THSD7B: variants seen among roughly 807,000 people sequenced by gnomAD.
THSD7B encodes thrombospondin type 1 domain containing 7B, also known as thrombospondin type-1 domain-containing protein 7B.
Under a neutral mutation model 213.6 loss-of-function variants are expected in THSD7B, and 138 were observed. That is an observed-to-expected ratio of 0.65 (90% CI 0.56 to 0.74). THSD7B has a LOEUF of 0.74. Among genes scored for constraint, THSD7B ranks in the 30% least tolerant of loss-of-function variants. The pLI, the probability that THSD7B is intolerant of heterozygous loss-of-function variation, is 0.00. For synonymous variants in THSD7B, 742 were observed against 687.0 expected (o/e 1.08, Z -1.25); for missense variants, 1,931 against 1,991.5 (o/e 0.97, Z 0.58).
At chr2:137,473,205 A>G (rs936506987) in intron 15 of THSD7B, among the ~76,000 whole-genome samples, 1 of 150,784 alleles carries the variant, frequency 6.6e-6, no homozygotes, top group Non-Finnish European at 1.5e-5. Context: ...TATTAATATT[A>G]TTATTTGTTT....
intron 12 of THSD7B, among the ~76,000 whole-genome samples, chr2:137,302,039 A>C (rs1683617536): frequency 6.6e-6 from 1 of 152,140 alleles, no homozygotes; most frequent in East Asian, 1.9e-4. Context: ...CTTGGACCAG[A>C]GTGCTGTCAT....
intron 1 of THSD7B, among the ~76,000 whole-genome samples, chr2:136,879,620 A>G (rs536532526): frequency 3.3e-5 from 5 of 152,270 alleles, no homozygotes; most frequent in African/African-American, 1.2e-4. Flanking sequence ...TTCTCCTTGA[A>G]GAGGTCCTTC....
intron 3 of THSD7B, among the ~76,000 whole-genome samples, chr2:137,069,904 A>G (rs570728671): frequency 3.3e-4 from 50 of 150,954 alleles, no homozygotes; most frequent in African/African-American, 1.2e-3. Flanking sequence ...AACATATATA[A>G]CTATATATCT....
chr2:136,950,440 A>G (rs1489372240), intron 2 of THSD7B, among the ~76,000 whole-genome samples: 1 of 152,198 alleles, frequency 6.6e-6, no homozygotes, highest in East Asian at 1.9e-4. Flanking sequence ...AATAAAATTT[A>G]AAAAAAGATG....
intron 5 of THSD7B, among the ~76,000 whole-genome samples, chr2:137,136,397 C>T (rs1679462884): frequency 6.6e-6 from 1 of 152,114 alleles, no homozygotes; most frequent in Admixed American, 6.6e-5. Flanking sequence ...TGAAGGTGTT[C>T]CAGAGAACAA....
intron 14 of THSD7B, among the ~76,000 whole-genome samples, chr2:137,414,375 A>G (rs1030681614): frequency 6.6e-6 from 1 of 152,142 alleles, no homozygotes; most frequent in African/African-American, 2.4e-5. Flanking sequence ...AAATCTTTTA[A>G]TGGTTACTAA....
intron 1 of THSD7B, among the ~76,000 whole-genome samples, chr2:136,867,272 C>T (rs762535351): frequency 2.6e-4 from 39 of 152,200 alleles, no homozygotes; most frequent in African/African-American, 7.2e-4. Flanking sequence ...CTGTCCCTAA[C>T]GGACCACCAT....
chr2:137,136,282 C>A (rs1238342775), intron 5 of THSD7B, among the ~76,000 whole-genome samples: 1 of 152,054 alleles, frequency 6.6e-6, no homozygotes, highest in East Asian at 1.9e-4. Flanking sequence ...ACTTGTATCC[C>A]AGAACTTAAA....
intron 1 of THSD7B, among the ~76,000 whole-genome samples, chr2:136,819,351 C>A (rs942206575): frequency 3.3e-5 from 5 of 152,146 alleles, no homozygotes; most frequent in Non-Finnish European, 5.9e-5. Context: ...TGTCCCCCAT[C>A]CCCTACTCCC....
At chr2:137,224,264 T>G (rs1681447147) in intron 7 of THSD7B, among the ~76,000 whole-genome samples, 1 of 152,216 alleles carries the variant, frequency 6.6e-6, no homozygotes, top group Non-Finnish European at 1.5e-5. Flanking sequence ...TCACTGACTT[T>G]CCAGTGGATT....
At chr2:137,283,381 G>A (rs538273695) in intron 12 of THSD7B, among the ~76,000 whole-genome samples, 11 of 152,098 alleles carry the variant, frequency 7.2e-5, no homozygotes, top group African/African-American at 1.9e-4. Context: ...CTAATTGAAT[G>A]CCCTTTATTT....
At chr2:137,475,546 A>G (rs940643656) in intron 15 of THSD7B, among the ~76,000 whole-genome samples, 7 of 152,076 alleles carry the variant, frequency 4.6e-5, no homozygotes, top group African/African-American at 7.2e-5. Context: ...GAGATACGCT[A>G]TTTTAGATCC....
At chr2:136,807,508 CG>C (rs199810759) in intron 1 of THSD7B, among the ~76,000 whole-genome samples, 1 of 49,580 alleles carries the variant, frequency 2.0e-5, no homozygotes, top group Non-Finnish European at 4.0e-5. Flanking sequence ...CAAAATGTTT[CG>C]TTTTTTTTTT....
At chr2:137,095,155 G>A (rs767647983) in intron 4 of THSD7B, 34 bp downstream of exon 4, 1 of 1,606,662 alleles carries the variant, frequency 6.2e-7, no homozygotes, top group Non-Finnish European at 8.5e-7. Context: ...TAGTGTGAAG[G>A]AGGCATAATT....
At chr2:137,483,810 T>G (rs1688361570) in intron 15 of THSD7B, among the ~76,000 whole-genome samples, 1 of 152,138 alleles carries the variant, frequency 6.6e-6, no homozygotes, top group Admixed American at 6.5e-5. Context: ...CAGGTATGAC[T>G]GGTTATAACC....
intron 15 of THSD7B, among the ~76,000 whole-genome samples, chr2:137,461,326 C>T (rs529351237): frequency 6.6e-6 from 1 of 152,148 alleles, no homozygotes; most frequent in Admixed American, 6.6e-5. Flanking sequence ...CACAGGTCTT[C>T]GTAAATACAG....
At chr2:137,516,251 A>G (rs1039860046) in intron 15 of THSD7B, among the ~76,000 whole-genome samples, 44 of 152,354 alleles carry the variant, frequency 2.9e-4, no homozygotes, top group African/African-American at 1.1e-3. Flanking sequence ...AATTTATATA[A>G]GCAGAAAACT....
chr2:137,587,173 G>T (rs977153779), intron 17 of THSD7B, among the ~76,000 whole-genome samples: 6 of 152,154 alleles, frequency 3.9e-5, no homozygotes, highest in African/African-American at 1.4e-4. Flanking sequence ...TCGTGCCATG[G>T]TTTTCACCTC....
At chr2:137,401,651 T>TC (rs1686366849) in intron 12 of THSD7B, among the ~76,000 whole-genome samples, 15 of 146,600 alleles carry the variant, frequency 1.0e-4, no homozygotes, top group South Asian at 2.2e-4. Context: ...TTTTTTTTTT[T>TC]CTTCAACTCT....
Sources: gnomAD v4.1 joint callset for allele counts (sites outside exome capture counted in the v4.1 genomes callset) on GRCh38, gnomAD v4.1.1 for gene constraint, MANE v1.5 for transcripts, NCBI Gene and HGNC (gene_info 2026-07-23, HGNC 2026-07-21) for gene names.